The following DOCK1 variants were observed in gnomAD, a reference collection of about 807,000 sequenced individuals.
DOCK1 encodes dedicator of cytokinesis 1.
DOCK1 carries 138 observed loss-of-function variants against 262.7 expected under a neutral mutation model. The ratio of observed to expected loss-of-function variants is 0.53; its 90% CI spans 0.46 to 0.61. The LOEUF (loss-of-function observed/expected upper bound fraction) is 0.61, where lower values mean the gene tolerates loss of function less well. Among genes scored for constraint, DOCK1 ranks in the 20% least tolerant of loss-of-function variants. The pLI, the probability that DOCK1 is intolerant of heterozygous loss-of-function variation, is 0.00. For missense variants in DOCK1, 1,908 were observed against 2,370.7 expected, an observed-to-expected ratio of 0.80 and a Z score of 4.05; for synonymous variants, 866 against 867.4, an observed-to-expected ratio of 1.00 and a Z score of 0.03.
chr10:126,988,445 C>T (rs1004396169), intron 5 of DOCK1: 2 of 152,124 alleles, frequency 1.3e-5, no homozygotes, highest in African/African-American at 4.8e-5. Context: ...ACAGTGGTTT[C>T]CTATAAATGC....
At chr10:127,177,651 C>T (rs2055298788) in intron 27 of DOCK1, among the ~76,000 whole-genome samples, 1 of 152,204 alleles carries the variant, frequency 6.6e-6, no homozygotes, top group African/African-American at 2.4e-5. Flanking sequence ...TTGCCCCCAG[C>T]CCAGCTGCCG....
intron 27 of DOCK1, among the ~76,000 whole-genome samples, chr10:127,170,988 G>A (rs1044500044): frequency 6.6e-6 from 1 of 152,192 alleles, no homozygotes; most frequent in Non-Finnish European, 1.5e-5. Flanking sequence ...CCTACTTGCA[G>A]AATTCATCCC....
chr10:127,321,442 A>G (rs1424594185), intron 29 of DOCK1, among the ~76,000 whole-genome samples: 1 of 133,978 alleles, frequency 7.5e-6, no homozygotes, highest in African/African-American at 2.9e-5. Flanking sequence ...TTAGGTTCTT[A>G]TTCTAAAATC....
At chr10:127,299,889 T>C (rs1409122835) in intron 29 of DOCK1, among the ~76,000 whole-genome samples, 2 of 152,306 alleles carry the variant, frequency 1.3e-5, no homozygotes, top group South Asian at 2.1e-4. Flanking sequence ...TCCTTTTCTC[T>C]TGCCTTTCTG....
chr10:126,986,073 C>T (rs905798810), intron 4 of DOCK1, among the ~76,000 whole-genome samples: 2 of 151,946 alleles, frequency 1.3e-5, no homozygotes, highest in Admixed American at 6.6e-5. Flanking sequence ...AGGCTGGTCT[C>T]GAACTCCTGA....
At chr10:127,415,344 A>T in intron 44 of DOCK1, 106 bp downstream of exon 44, 1 of 1,056,978 alleles carries the variant, frequency 9.5e-7, no homozygotes, top group Non-Finnish European at 1.4e-6. Flanking sequence ...GGCAGCGTGC[A>T]CACAGCAGAC....
intron 1 of DOCK1, among the ~76,000 whole-genome samples, chr10:126,909,602 A>C (rs1043174448): frequency 6.6e-6 from 1 of 152,108 alleles, no homozygotes; most frequent in Non-Finnish European, 1.5e-5. Flanking sequence ...GCAGCTCTCA[A>C]ATGGGATGGG....
chr10:127,266,493 AC>A, intron 29 of DOCK1, among the ~76,000 whole-genome samples: 1 of 152,032 alleles, frequency 6.6e-6, no homozygotes, highest in South Asian at 2.1e-4. Flanking sequence ...ACACACACAC[AC>A]ACACACACAC....
At chr10:127,361,162 G>A (rs2064407347) in intron 32 of DOCK1, among the ~76,000 whole-genome samples, 1 of 135,678 alleles carries the variant, frequency 7.4e-6, no homozygotes, top group African/African-American at 2.8e-5. Context: ...CGCCCAGGCT[G>A]GAGTGCACTG....
intron 29 of DOCK1, among the ~76,000 whole-genome samples, chr10:127,282,588 G>A (rs55815310): frequency 0.39 from 59,920 of 152,070 alleles, 12,037 homozygotes; most frequent in Admixed American, 0.45. Context: ...AATTTTAAAA[G>A]GCCAGTGAAC....
In DOCK1 at chr10:127,429,632, G is replaced by A. The variant is rs561472340; in HGVS notation, c.4914+3621G>A. The stretch of plus-strand genomic sequence containing the variant: ...GACTTCTCGATACCCAGGCCCCTCT[G>A]CCACTCTGCCTTGGCTTTCATCGTG... On this transcript the variant is annotated intron_variant, in intron 47 of 51. Transcript: ENST00000623213. Among the ~76,000 whole-genome samples the A allele has an allele frequency of 2.6e-5, 4 of 152,322 alleles. No individual in the cohort carries two copies. In the South Asian group the frequency reaches 8.3e-4, roughly 32 times the overall value.
chr10:126,933,299 C>A (rs2034318927), intron 1 of DOCK1, among the ~76,000 whole-genome samples: 1 of 152,184 alleles, frequency 6.6e-6, no homozygotes, highest in Non-Finnish European at 1.5e-5. Flanking sequence ...CCAGTGGACA[C>A]CTTTCGTTGG....
At chr10:127,430,936 CTG>C (rs1236521431) in intron 47 of DOCK1, among the ~76,000 whole-genome samples, 1 of 152,212 alleles carries the variant, frequency 6.6e-6, no homozygotes, top group Admixed American at 6.5e-5. Context: ...GGTCAGAAAA[CTG>C]GAATGAGTGT....
At chr10:126,942,934 T>G (rs1360317376) in intron 1 of DOCK1, among the ~76,000 whole-genome samples, 2 of 152,172 alleles carry the variant, frequency 1.3e-5, no homozygotes, top group Non-Finnish European at 2.9e-5. Flanking sequence ...TGATTTCTTT[T>G]TCTTGTTCAT....
intron 27 of DOCK1, among the ~76,000 whole-genome samples, chr10:127,185,902 C>G (rs2056187965): frequency 6.6e-6 from 1 of 152,186 alleles, no homozygotes; most frequent in Non-Finnish European, 1.5e-5. Context: ...GGGCCCCATA[C>G]TGTTGTAGAA....
chr10:127,312,903 G>A (rs574202586), intron 29 of DOCK1, among the ~76,000 whole-genome samples: 2 of 151,720 alleles, frequency 1.3e-5, no homozygotes, highest in Admixed American at 6.6e-5. Flanking sequence ...TTTCCACACT[G>A]AGACCACTTC....
intron 28 of DOCK1, among the ~76,000 whole-genome samples, chr10:127,256,758 A>AT (rs1414843225): frequency 2.0e-5 from 3 of 152,170 alleles, no homozygotes; most frequent in Admixed American, 1.3e-4. Flanking sequence ...CATCAGAAGC[A>AT]TAACTCGGTA....
In DOCK1 at chr10:127,211,470, G is replaced by A. The variant is rs528816265; in HGVS notation, c.2848-36538G>A. Among the ~76,000 whole-genome samples, 39 of 152,290 alleles carry A rather than the reference G, an allele frequency of 2.6e-4. No individual in the cohort carries two copies. In the South Asian group the frequency reaches 7.7e-3, roughly 30 times the overall value. ...GTCTTTATAGACATCGCCATCCCCT[G>A]TTAGTGAATTTGGGGTCTTGAGACG... On this transcript the variant is annotated intron_variant, in intron 27 of 51. Transcript: ENST00000623213.
chr10:127,374,013 C>T (rs2065349107), intron 34 of DOCK1, 45 bp from the exon 35 acceptor site: 2 of 1,566,950 alleles, frequency 1.3e-6, no homozygotes, highest in Admixed American at 1.9e-5. Context: ...TGTTGAGTTT[C>T]TTTTTCTGAG....
Sources: gnomAD v4.1 joint callset for allele counts (sites outside exome capture counted in the v4.1 genomes callset) on GRCh38, gnomAD v4.1.1 for gene constraint, MANE v1.5 for transcripts, NCBI Gene and HGNC (gene_info 2026-07-23, HGNC 2026-07-21) for gene names.